ROBO2: variants seen among roughly 807,000 people sequenced by gnomAD.
The protein encoded by ROBO2 is roundabout guidance receptor 2, also known as roundabout homolog 2.
A neutral mutation model predicts 160.8 loss-of-function variants in ROBO2; 53 were observed. The observed-to-expected ratio is 0.33, with a 90% CI of 0.26 to 0.41. The LOEUF is 0.41. ROBO2 is among the 10% of genes least tolerant of loss of function. The pLI is 1.00. For missense variants in ROBO2, 1,577 were observed against 1,722.4 expected (o/e 0.92, Z 1.49); for synonymous variants, 664 against 611.7 (o/e 1.09, Z -1.26).
chr3:77,080,967 A>G (rs545686010), intron 1 of ROBO2, among the ~76,000 whole-genome samples: 2 of 152,218 alleles, frequency 1.3e-5, no homozygotes, highest in Non-Finnish European at 2.9e-5. Flanking sequence ...TGGCTCAAGT[A>G]TTTGACATTA....
chr3:77,083,876 C>A (rs2068958979), intron 1 of ROBO2, among the ~76,000 whole-genome samples: 1 of 151,930 alleles, frequency 6.6e-6, no homozygotes, highest in Non-Finnish European at 1.5e-5. Context: ...TTCAGGTGGT[C>A]ACCCGAACAA....
At chr3:76,802,710 AGAGC>A (rs1354815647) in intron 2 of ROBO2, among the ~76,000 whole-genome samples, 2 of 149,220 alleles carry the variant, frequency 1.3e-5, no homozygotes, top group Middle Eastern at 3.5e-3. Flanking sequence ...CCTGGGCGAC[AGAGC>A]GAGACTCCGT....
intron 1 of ROBO2, among the ~76,000 whole-genome samples, chr3:77,093,453 T>C (rs2070606093): frequency 6.6e-6 from 1 of 152,158 alleles, no homozygotes; most frequent in Non-Finnish European, 1.5e-5. Flanking sequence ...TAACATAGAA[T>C]ACCCAGTAGT....
chr3:76,691,191 A>G (rs1338244761), intron 2 of ROBO2, among the ~76,000 whole-genome samples: 1 of 152,090 alleles, frequency 6.6e-6, no homozygotes, highest in Non-Finnish European at 1.5e-5. Flanking sequence ...ATGGGCTCCT[A>G]ACAAAGGAAT....
At chr3:77,097,958 C>G (rs959946774) in intron 1 of ROBO2, 56 bp from the exon 2 acceptor site, 64 of 1,412,264 alleles carry the variant, frequency 4.5e-5, no homozygotes, top group Non-Finnish European at 5.7e-5. Context: ...CAAGTGAAAC[C>G]GAGGGTTTAG....
intron 2 of ROBO2, among the ~76,000 whole-genome samples, chr3:77,405,495 T>C (rs1187747556): frequency 6.6e-6 from 1 of 152,116 alleles, no homozygotes. Context: ...TTAAAGTGAA[T>C]GTGTGTTATG....
At chr3:76,789,381 A>G (rs2063201464) in intron 2 of ROBO2, among the ~76,000 whole-genome samples, 1 of 151,514 alleles carries the variant, frequency 6.6e-6, no homozygotes, top group Non-Finnish European at 1.5e-5. Flanking sequence ...GCAACTCCCA[A>G]TTACACTTGG....
At chr3:76,051,445 T>C (rs1015307839) in intron 2 of ROBO2, among the ~76,000 whole-genome samples, 2 of 152,292 alleles carry the variant, frequency 1.3e-5, no homozygotes, top group Admixed American at 1.3e-4. Flanking sequence ...ATAACAATGT[T>C]TGCAAAAATT....
intron 2 of ROBO2, among the ~76,000 whole-genome samples, chr3:76,979,744 TACACACACACACAC>T (rs138996245): frequency 6.8e-6 from 1 of 147,472 alleles, no homozygotes; most frequent in Non-Finnish European, 1.5e-5. Flanking sequence ...TTACTTTTCT[TACACACACACACAC>T]ACACACACAC....
chr3:76,813,791 T>C (rs1428979834), intron 2 of ROBO2, among the ~76,000 whole-genome samples: 1 of 152,214 alleles, frequency 6.6e-6, no homozygotes, highest in Non-Finnish European at 1.5e-5. Context: ...TAATTGAAGA[T>C]GAAAAGGAGA....
At chr3:77,092,865 A>AATCTG (rs1335948473) in intron 1 of ROBO2, among the ~76,000 whole-genome samples, 2 of 151,028 alleles carry the variant, frequency 1.3e-5, no homozygotes, top group Admixed American at 6.6e-5. Flanking sequence ...TTTCATTTGA[A>AATCTG]ATCTGTAGAA....
At chr3:76,178,596 G>C (rs1008877180) in intron 2 of ROBO2, among the ~76,000 whole-genome samples, 29 of 152,178 alleles carry the variant, frequency 1.9e-4, no homozygotes, top group African/African-American at 5.3e-4. Flanking sequence ...ATTATCATAG[G>C]CAATAATGTG....
At chr3:77,541,151 G>A (rs2092443962) in intron 6 of ROBO2, among the ~76,000 whole-genome samples, 1 of 152,184 alleles carries the variant, frequency 6.6e-6, no homozygotes, top group Admixed American at 6.5e-5. Flanking sequence ...GGCTGAGCAT[G>A]ACTGTATTCA....
chr3:77,495,334 A>C (rs2086649062), intron 5 of ROBO2, among the ~76,000 whole-genome samples: 1 of 152,320 alleles, frequency 6.6e-6, no homozygotes, highest in South Asian at 2.1e-4. Flanking sequence ...TTTACACTAC[A>C]CCCAGTTTTC....
At chr3:77,454,496 G>A (rs913762361) in intron 2 of ROBO2, among the ~76,000 whole-genome samples, 2 of 152,086 alleles carry the variant, frequency 1.3e-5, no homozygotes, top group Non-Finnish European at 2.9e-5. Context: ...TACATTTGAG[G>A]CAGAAAGTTG....
chr3:75,992,234 C>G (rs576230409), intron 2 of ROBO2, among the ~76,000 whole-genome samples: 1 of 152,158 alleles, frequency 6.6e-6, no homozygotes, highest in East Asian at 1.9e-4. Context: ...TTGTGGTAGC[C>G]CTTCCCATCA....
intron 2 of ROBO2, among the ~76,000 whole-genome samples, chr3:77,025,260 A>G (rs62249948): frequency 0.17 from 25,848 of 152,124 alleles, 2,448 homozygotes; most frequent in Admixed American, 0.26. Context: ...TGTCTTTACT[A>G]ATATGCTTAA....
At chr3:76,907,644 T>C (rs1399786743) in intron 2 of ROBO2, among the ~76,000 whole-genome samples, 1 of 152,154 alleles carries the variant, frequency 6.6e-6, no homozygotes, top group Non-Finnish European at 1.5e-5. Context: ...GATAATATTT[T>C]TAGGGGGTGC....
chr3:76,991,457 G>A (rs560484424), intron 2 of ROBO2, among the ~76,000 whole-genome samples: 1 of 152,242 alleles, frequency 6.6e-6, no homozygotes, highest in East Asian at 1.9e-4. Flanking sequence ...ACAATGAAAT[G>A]TTGCTCATAT....
Sources: allele counts gnomAD v4.1 joint callset (sites outside exome capture counted in the v4.1 genomes callset), GRCh38; gene constraint gnomAD v4.1.1; transcripts MANE v1.5; gene names NCBI Gene and HGNC (gene_info 2026-07-23, HGNC 2026-07-21).